CANX: variants seen among roughly 807,000 people sequenced by gnomAD.
CANX encodes the protein epididymis secretory sperm binding protein.
In CANX, 14 loss-of-function variants were observed where a neutral mutation model predicts 75.7. That is an observed-to-expected ratio of 0.19 (90% CI 0.12 to 0.29). The LOEUF is 0.29. CANX is among the 10% of genes least tolerant of loss of function. The pLI is 1.00. For missense variants in CANX, 567 were observed against 713.2 expected (o/e 0.79, Z 2.34); for synonymous variants, 227 against 236.9 (o/e 0.96, Z 0.38).
intron 13 of CANX, 112 bp from the exon 14 acceptor site, chr5:179,726,566 ACT>A (rs1778688000): frequency 1.0e-5 from 7 of 666,664 alleles, no homozygotes; most frequent in Admixed American, 2.9e-5. Context: ...ACAGAGCAAG[ACT>A]CTGTCTCCAA....
chr5:179,687,270 T>C (rs1165854340), intron 1 of CANX, among the ~76,000 whole-genome samples: 2 of 152,048 alleles, frequency 1.3e-5, no homozygotes, highest in Non-Finnish European at 2.9e-5. Flanking sequence ...GCCCGGCTAA[T>C]TTTTTTGTAT....
intron 1 of CANX, among the ~76,000 whole-genome samples, chr5:179,680,114 C>T (rs576888802): frequency 2.8e-4 from 43 of 151,960 alleles, no homozygotes; most frequent in Non-Finnish European, 5.0e-4. Flanking sequence ...CCCGGCAGGG[C>T]AGGACTTTCA....
Position 179,708,243 on chromosome 5 carries a change from G to C in CANX, c.309G>C (p.Lys103Asn), listed in dbSNP as rs1224066167. The C allele has an allele frequency of 6.2e-7, 1 of 1,613,634 alleles. No homozygotes were observed. The change falls in exon 5 of 15, where the codon AAG (lysine) becomes AAC (asparagine). Residue 103 changes from lysine to asparagine, a missense_variant. Physicochemically the swap from Lys to Asn is moderately conservative, Grantham distance 94 (BLOSUM62 0). Coordinates refer to ENST00000247461, the MANE Select transcript of CANX (RefSeq NM_001746.4). ...TDDEIAKYDG[K>N]WEVEEMKESK... Reference sequence around the variant, plus strand: ...CTTTTTTGTGTTGTCTTGTAGGAAAGTGGGAGGTAGAGGAAATGAAGGAGT... The same window carrying C: ...CTTTTTTGTGTTGTCTTGTAGGAAACTGGGAGGTAGAGGAAATGAAGGAGT...
intron 14 of CANX, among the ~76,000 whole-genome samples, chr5:179,728,003 GC>G (rs1778772295): frequency 6.6e-6 from 1 of 152,142 alleles, no homozygotes; most frequent in East Asian, 1.9e-4. Context: ...AAAGATCATT[GC>G]TATCTGTATC....
At chr5:179,679,256 G>A in intron 1 of CANX, 1 of 1,524,422 alleles carries the variant, frequency 6.6e-7, no homozygotes, top group Non-Finnish European at 8.8e-7. Context: ...AGGCGAGCCA[G>A]GGGGCGCTGC....
rs1778946046 is a variant in CANX, at chr5:179,730,823, CCAT to C, written c.*2182_*2184del. 6.6e-6 allele frequency: 1 copy of C among 152,256 alleles called. No homozygotes were observed. The highest frequency in any genetic ancestry group is 1.5e-5 in the Non-Finnish European group (1 of 68,040). The allele number at this position is 152,256 out of a possible 1,614,324, so 9.4% of individuals were successfully genotyped here. On this transcript the variant is annotated 3_prime_UTR_variant, in exon 15 of 15. Coordinates refer to ENST00000247461, the MANE Select transcript of CANX (RefSeq NM_001746.4). ...TCCATTGTTGTCAAATGCCCACTCTCCATCAGATGTGTTCCTCCATTTTCTTAT... is the reference window on the plus strand; with the variant it reads ...TCCATTGTTGTCAAATGCCCACTCTCCAGATGTGTTCCTCCATTTTCTTAT...
chr5:179,698,781 A>G (rs1447760555), upstream of CANX: 6 of 657,176 alleles, frequency 9.1e-6, no homozygotes, highest in African/African-American at 1.9e-5. Flanking sequence ...CTCCCGGCCA[A>G]TCTTCACACT....
upstream of CANX, chr5:179,698,527 C>G (rs1562450567): frequency 2.3e-6 from 3 of 1,289,334 alleles, no homozygotes; most frequent in Non-Finnish European, 2.0e-6. Context: ...ACTCCTACCC[C>G]TTTTGCCGGC....
At chr5:179,696,214 G>A (rs922582391), upstream of CANX, among the ~76,000 whole-genome samples, 6 of 150,962 alleles carry the variant, frequency 4.0e-5, no homozygotes, top group Non-Finnish European at 7.4e-5. Context: ...TACCTCACCC[G>A]GCCTGATTCT....
intron 13 of CANX, among the ~76,000 whole-genome samples, chr5:179,725,937 G>A (rs1443832961): frequency 1.3e-5 from 2 of 149,944 alleles, no homozygotes; most frequent in Admixed American, 1.3e-4. Flanking sequence ...GCAGTGAGCC[G>A]AGATTGCGCC....
At chr5:179,689,970 C>T (rs1776272112) in intron 1 of CANX, among the ~76,000 whole-genome samples, 1 of 152,104 alleles carries the variant, frequency 6.6e-6, no homozygotes, top group African/African-American at 2.4e-5. Flanking sequence ...GAAGGGTGTG[C>T]TACCGGGTCC....
chr5:179,698,436 A>G, upstream of CANX: 1 of 1,284,766 alleles, frequency 7.8e-7, no homozygotes. Flanking sequence ...CAATCCGGCC[A>G]GGCGCTCGCG....
intron 7 of CANX, among the ~76,000 whole-genome samples, chr5:179,710,293 C>T (rs549335616): frequency 6.6e-4 from 100 of 151,702 alleles, no homozygotes; most frequent in African/African-American, 2.2e-3. Context: ...CATGGTGGTG[C>T]ACGCCTGTAA....
chr5:179,719,948 A>T (rs1778204173), intron 9 of CANX, among the ~76,000 whole-genome samples, 167 bp downstream of exon 9: 1 of 151,908 alleles, frequency 6.6e-6, no homozygotes, highest in Non-Finnish European at 1.5e-5. Flanking sequence ...CAGCCTTGCG[A>T]GTAGCTGGGA....
chr5:179,720,908 C>A (rs754302782), intron 10 of CANX, among the ~76,000 whole-genome samples: 2 of 152,048 alleles, frequency 1.3e-5, no homozygotes, highest in Admixed American at 1.3e-4. Context: ...CTCAGACTCC[C>A]GAGTAGCTGG....
At chr5:179,701,736 CT>C (rs558907168) in intron 1 of CANX, among the ~76,000 whole-genome samples, 45 of 43,992 alleles carry the variant, frequency 1.0e-3, no homozygotes, top group African/African-American at 3.9e-3. Context: ...AACAGATGTA[CT>C]TTTTTTTTTT....
At chr5:179,716,060 C>G (rs776232600) in intron 7 of CANX, 45 bp from the exon 8 acceptor site, 1 of 1,349,996 alleles carries the variant, frequency 7.4e-7, no homozygotes, top group Non-Finnish European at 1.1e-6. Flanking sequence ...GTAAAGGGAG[C>G]TTGGAAAATT....
rs1257415105 is a variant in CANX at position 179,720,392 on chromosome 5, G to C, written c.1026-12G>C. ...AGAACCTGTTTATAATTTGTTGTTT[G>C]TACCTCCGTAGGGATGAAGACATGG... On this transcript the variant is annotated splice_polypyrimidine_tract_variant and intron_variant, in intron 9 of 14. Transcript: ENST00000247461. 6.2e-7 allele frequency: 1 copy of C among 1,612,552 alleles called. No individual in the cohort carries two copies. The highest frequency in any genetic ancestry group is 1.6e-4 in the Middle Eastern group (1 of 6,062).
intron 1 of CANX, among the ~76,000 whole-genome samples, chr5:179,686,962 A>G (rs1776200516): frequency 6.6e-6 from 1 of 151,854 alleles, no homozygotes; most frequent in African/African-American, 2.4e-5. Context: ...TTTTTAGTAG[A>G]GACAGGGTTT....
Sources: allele counts gnomAD v4.1 joint callset (sites outside exome capture counted in the v4.1 genomes callset), GRCh38; gene constraint gnomAD v4.1.1; transcripts MANE v1.5; gene names NCBI Gene and HGNC (gene_info 2026-07-23, HGNC 2026-07-21).